The following RORA variants were observed in gnomAD, a reference collection of about 807,000 sequenced individuals.
RORA encodes nuclear receptor ROR-alpha.
Under a neutral mutation model 69.5 loss-of-function variants are expected in RORA, and 7 were observed. The ratio of observed to expected loss-of-function variants is 0.10; its 90% confidence interval spans 0.06 to 0.19. The LOEUF is 0.19. Among genes scored for constraint, RORA ranks in the 10% least tolerant of loss-of-function variants. The pLI, the probability that RORA is intolerant of heterozygous loss-of-function variation, is 1.00. For synonymous variants in RORA, 261 were observed against 240.8 expected, an observed-to-expected ratio of 1.08 and a Z score of -0.78; for missense variants, 457 against 663.0, an observed-to-expected ratio of 0.69 and a Z score of 3.41.
chr15:61,229,151 G>GCCGCGT lies in RORA; in HGVS notation c.62_67dup (p.Asp21_Ala22dup), dbSNP rs763047223. On this transcript the variant is annotated inframe_insertion, in exon 1 of 11. Transcript: ENST00000335670. The stretch of plus-strand genomic sequence containing the variant: ...CAGCGGGGTCTCCCTGGAGCCGGCG[G>GCCGCGT]CCGCGTCCGCGCCGCTGCTGCCTGG... 1.3e-6 allele frequency: 2 copies of GCCGCGT among 1,545,510 alleles called. No individual in the cohort carries two copies. Among genetic ancestry groups the GCCGCGT allele is most frequent in the South Asian group, 1.2e-5 (1 of 84,180 alleles).
intron 1 of RORA, among the ~76,000 whole-genome samples, chr15:61,078,880 G>T (rs989003873): frequency 1.3e-5 from 2 of 152,120 alleles, no homozygotes; most frequent in African/African-American, 4.8e-5. Context: ...ACAATGATCT[G>T]ATTGTTCTAA....
intron 1 of RORA, among the ~76,000 whole-genome samples, chr15:60,913,892 C>T (rs1016696819): frequency 6.6e-6 from 1 of 152,174 alleles, no homozygotes; most frequent in African/African-American, 2.4e-5. Flanking sequence ...TAGTTCCCTC[C>T]AAACAATTGA....
chr15:61,040,137 TATATATATATATATATATATATATATAA>T (rs1297810022), intron 1 of RORA, among the ~76,000 whole-genome samples: 4 of 115,264 alleles, frequency 3.5e-5, no homozygotes, highest in Admixed American at 9.4e-5. Flanking sequence ...TATATATATA[TATATATATATATATATATATATATATAA>T]AATATATGAA....
chr15:61,046,081 C>A (rs115009446), intron 1 of RORA, among the ~76,000 whole-genome samples: 1 of 151,820 alleles, frequency 6.6e-6, no homozygotes, highest in East Asian at 1.9e-4. Context: ...GATAGATCAA[C>A]GGAGAAAAGG....
chr15:60,946,709 G>C (rs555611774), intron 1 of RORA, among the ~76,000 whole-genome samples: 58 of 151,712 alleles, frequency 3.8e-4, no homozygotes, highest in African/African-American at 1.4e-3. Flanking sequence ...GAAGTGAGGA[G>C]CGTCTCTGCC....
chr15:60,659,749 CTCAG>C (rs1042700483), intron 2 of RORA, among the ~76,000 whole-genome samples: 1 of 152,094 alleles, frequency 6.6e-6, no homozygotes, highest in African/African-American at 2.4e-5. Context: ...AAAAAAAGAA[CTCAG>C]TCAAACATTT....
At chr15:61,043,147 T>C (rs756816581) in intron 1 of RORA, among the ~76,000 whole-genome samples, 1 of 152,238 alleles carries the variant, frequency 6.6e-6, no homozygotes, top group Non-Finnish European at 1.5e-5. Context: ...TGGGTGCAAT[T>C]ATCATTCCCA....
At chr15:60,823,595 GA>G (rs1478462740) in intron 1 of RORA, among the ~76,000 whole-genome samples, 1 of 152,196 alleles carries the variant, frequency 6.6e-6, no homozygotes, top group Non-Finnish European at 1.5e-5. Context: ...AGGCAAGACA[GA>G]TGTCTGAATT....
rs570452042 is a variant in RORA, at chr15:60,563,342, C to T, written c.197-31491G>A. On this transcript the variant is annotated intron_variant, in intron 2 of 10. Transcript: ENST00000335670. Reference sequence around the variant, plus strand: ...TCCACATGGAATTCCTCTTCTTGCACTTTGGCCTAAGCACGCATTTTTTCT... The same window carrying T: ...TCCACATGGAATTCCTCTTCTTGCATTTTGGCCTAAGCACGCATTTTTTCT... 2.0e-4 allele frequency among the ~76,000 whole-genome samples: 30 copies of T among 152,324 alleles called. No individual in the cohort carries two copies. The South Asian group carries it at 6.0e-3, about 30-fold the overall frequency.
intron 1 of RORA, among the ~76,000 whole-genome samples, chr15:61,171,583 C>T (rs1194928250): frequency 6.6e-6 from 1 of 152,186 alleles, no homozygotes; most frequent in African/African-American, 2.4e-5. Flanking sequence ...CCCACCCACT[C>T]CACTTCTGGA....
At chr15:61,010,068 T>C (rs1895040616) in intron 1 of RORA, among the ~76,000 whole-genome samples, 1 of 152,218 alleles carries the variant, frequency 6.6e-6, no homozygotes, top group Non-Finnish European at 1.5e-5. Flanking sequence ...ATTAAACTCA[T>C]ATTTAGGCAG....
At chr15:60,551,031 G>T (rs1595959215) in intron 2 of RORA, among the ~76,000 whole-genome samples, 2 of 152,130 alleles carry the variant, frequency 1.3e-5, no homozygotes, top group East Asian at 3.9e-4. Context: ...GTCATAAAAA[G>T]TGGTATCTTT....
chr15:60,522,647 G>T (rs1487507736), intron 3 of RORA, among the ~76,000 whole-genome samples: 1 of 151,880 alleles, frequency 6.6e-6, no homozygotes, highest in South Asian at 2.1e-4. Flanking sequence ...GCATGTGCTT[G>T]TAGTCCCAGC....
At chr15:60,519,219 A>G (rs143171521) in intron 3 of RORA, among the ~76,000 whole-genome samples, 68 of 152,272 alleles carry the variant, frequency 4.5e-4, no homozygotes, top group African/African-American at 1.4e-3. Context: ...TGTGTGTCTT[A>G]TGGTACCTGA....
intron 2 of RORA, among the ~76,000 whole-genome samples, chr15:60,677,830 A>G (rs531557897): frequency 6.7e-4 from 102 of 152,148 alleles, no homozygotes; most frequent in Admixed American, 2.6e-3. Flanking sequence ...GAATGCCCAA[A>G]CATATCTCAT....
At chr15:60,857,009 G>A (rs2073387136) in intron 1 of RORA, among the ~76,000 whole-genome samples, 1 of 152,216 alleles carries the variant, frequency 6.6e-6, no homozygotes, top group Admixed American at 6.5e-5. Context: ...GGAAGGATGA[G>A]CACAGAGGAA....
chr15:61,011,928 A>C (rs1026420137), intron 1 of RORA, among the ~76,000 whole-genome samples: 2 of 152,242 alleles, frequency 1.3e-5, no homozygotes, highest in Admixed American at 1.3e-4. Flanking sequence ...AGCTTCCCTC[A>C]ATTTACATCT....
intron 1 of RORA, among the ~76,000 whole-genome samples, chr15:60,915,287 TC>T (rs5813053): frequency 0.36 from 54,406 of 152,054 alleles, 10,050 homozygotes; most frequent in East Asian, 0.62. Context: ...GGGACTTCTT[TC>T]CCCAATAAGT....
intron 1 of RORA, among the ~76,000 whole-genome samples, chr15:61,022,395 C>T (rs1011525481): frequency 6.6e-6 from 1 of 152,088 alleles, no homozygotes; most frequent in African/African-American, 2.4e-5. Flanking sequence ...TGCTAAGGTA[C>T]CGCAGGAAGA....
Sources: allele counts gnomAD v4.1 joint callset (sites outside exome capture counted in the v4.1 genomes callset), GRCh38; gene constraint gnomAD v4.1.1; transcripts MANE v1.5; gene names NCBI Gene and HGNC (gene_info 2026-07-23, HGNC 2026-07-21).